Variants in MAGI1 observed in about 807,000 individuals in gnomAD.
MAGI1 encodes membrane associated guanylate kinase, WW and PDZ domain containing 1.
Under a neutral mutation model 139.9 loss-of-function variants are expected in MAGI1, and 58 were observed. That is an observed-to-expected ratio of 0.41 (90% CI 0.34 to 0.52). MAGI1 has a LOEUF of 0.52. Among genes scored for constraint, MAGI1 ranks in the 20% least tolerant of loss-of-function variants. The pLI is 0.12. For synonymous variants in MAGI1, 812 were observed against 737.9 expected, an observed-to-expected ratio of 1.10 and a Z score of -1.63; for missense variants, 1,874 against 1,901.6, an observed-to-expected ratio of 0.99 and a Z score of 0.27.
At chr3:65,930,208 C>T (rs1285079092) in intron 1 of MAGI1, among the ~76,000 whole-genome samples, 1 of 148,474 alleles carries the variant, frequency 6.7e-6, no homozygotes, top group Non-Finnish European at 1.5e-5. Flanking sequence ...CCCGGCTACT[C>T]AGGGGGCTGA....
intron 3 of MAGI1, among the ~76,000 whole-genome samples, chr3:65,487,392 C>T (rs1164477300): frequency 6.6e-6 from 1 of 152,138 alleles, no homozygotes; most frequent in East Asian, 1.9e-4. Flanking sequence ...AATGAATGAA[C>T]TCACAAACTA....
At chr3:65,745,960 C>T (rs570129596) in intron 1 of MAGI1, among the ~76,000 whole-genome samples, 1 of 152,222 alleles carries the variant, frequency 6.6e-6, no homozygotes, top group East Asian at 1.9e-4. Flanking sequence ...GAACTCCTGG[C>T]CTAAAGTGAT....
intron 1 of MAGI1, among the ~76,000 whole-genome samples, chr3:65,971,770 C>T (rs2065023106): frequency 1.3e-5 from 2 of 152,176 alleles, no homozygotes; most frequent in Non-Finnish European, 2.9e-5. Flanking sequence ...TGACACACTT[C>T]CCTGGACTTT....
intron 17 of MAGI1, 61 bp from the exon 18 acceptor site, chr3:65,376,006 GA>G: frequency 1.6e-6 from 2 of 1,281,474 alleles, no homozygotes; most frequent in South Asian, 1.3e-5. Flanking sequence ...AAAGGGAAGA[GA>G]AAAAGGGTTG....
At chr3:65,466,368 G>A (rs1174715482) in intron 5 of MAGI1, among the ~76,000 whole-genome samples, 1 of 151,990 alleles carries the variant, frequency 6.6e-6, no homozygotes, top group African/African-American at 2.4e-5. Context: ...ACCTTCTATG[G>A]GCTTTTCCTA....
chr3:65,646,273 T>G (rs1288598228), intron 1 of MAGI1, among the ~76,000 whole-genome samples: 1 of 151,684 alleles, frequency 6.6e-6, no homozygotes, highest in African/African-American at 2.4e-5. Flanking sequence ...AATGTGGGCT[T>G]TACAGCAAAG....
intron 1 of MAGI1, among the ~76,000 whole-genome samples, chr3:65,794,420 G>A (rs1347071446): frequency 5.3e-5 from 8 of 152,260 alleles, no homozygotes; most frequent in Admixed American, 5.2e-4. Context: ...TCTTTATCCA[G>A]TGACTAAGAC....
At chr3:65,414,594 G>A (rs1320654681) in intron 12 of MAGI1, among the ~76,000 whole-genome samples, 4 of 152,166 alleles carry the variant, frequency 2.6e-5, no homozygotes, top group Admixed American at 2.6e-4. Context: ...TTTCCCTAGA[G>A]CAGTGATTCC....
chr3:65,861,829 C>T (rs1473795023), intron 1 of MAGI1, among the ~76,000 whole-genome samples: 1 of 152,186 alleles, frequency 6.6e-6, no homozygotes, highest in Non-Finnish European at 1.5e-5. Context: ...TCTTGAAAAA[C>T]CAACACAGAG....
intron 2 of MAGI1, among the ~76,000 whole-genome samples, chr3:65,587,194 T>G (rs935909856): frequency 2.6e-5 from 4 of 152,344 alleles, no homozygotes; most frequent in African/African-American, 9.6e-5. Flanking sequence ...TTTGGAGTTA[T>G]GTCCCAATAA....
intron 4 of MAGI1, among the ~76,000 whole-genome samples, chr3:65,477,882 AC>A (rs892970665): frequency 2.0e-5 from 3 of 151,572 alleles, no homozygotes; most frequent in African/African-American, 7.3e-5. Flanking sequence ...GTATGGCCTT[AC>A]CCAAAGGCCT....
chr3:65,567,802 C>T (rs369026688), intron 2 of MAGI1, among the ~76,000 whole-genome samples: 1 of 152,274 alleles, frequency 6.6e-6, no homozygotes, highest in Non-Finnish European at 1.5e-5. Flanking sequence ...TGCCACTGCA[C>T]TCCAGCCTGG....
intron 1 of MAGI1, among the ~76,000 whole-genome samples, chr3:65,931,019 T>C (rs2062782405): frequency 6.6e-6 from 1 of 151,614 alleles, no homozygotes; most frequent in African/African-American, 2.4e-5. Flanking sequence ...GTAGCTATTC[T>C]TTTACTCCAT....
chr3:65,688,570 G>A (rs535519185), intron 1 of MAGI1: 16 of 339,134 alleles, frequency 4.7e-5, no homozygotes, highest in African/African-American at 8.5e-5. Flanking sequence ...AGACATTTCC[G>A]TGGGGTAGGG....
At chr3:65,773,966 A>G (rs2038169394) in intron 1 of MAGI1, among the ~76,000 whole-genome samples, 1 of 151,286 alleles carries the variant, frequency 6.6e-6, no homozygotes, top group Admixed American at 6.6e-5. Context: ...AGGAAACTTC[A>G]CAGGAAGAGA....
intron 1 of MAGI1, among the ~76,000 whole-genome samples, chr3:66,035,250 C>A (rs905623460): frequency 1.8e-4 from 28 of 152,142 alleles, no homozygotes; most frequent in Admixed American, 1.8e-3. Flanking sequence ...AGTTTTGGTC[C>A]ATGTATCTTT....
chr3:66,012,765 CAAAA>C (rs34971326), intron 1 of MAGI1, among the ~76,000 whole-genome samples: 1 of 113,996 alleles, frequency 8.8e-6, no homozygotes. Context: ...GACTCCATCT[CAAAA>C]AAAAAAAAAA....
At chr3:65,549,532 G>C (rs2079712266) in intron 2 of MAGI1, 1 of 964,340 alleles carries the variant, frequency 1.0e-6, no homozygotes, top group Non-Finnish European at 1.2e-6. Flanking sequence ...TCCTTTTATG[G>C]GGCTCGCAGG....
intron 1 of MAGI1, among the ~76,000 whole-genome samples, chr3:66,029,664 A>T (rs188862527): frequency 1.3e-4 from 20 of 152,088 alleles, no homozygotes; most frequent in African/African-American, 1.7e-4. Context: ...GGCCTTCTTG[A>T]CTCACTGGTC....
Sources: allele counts gnomAD v4.1 joint callset (sites outside exome capture counted in the v4.1 genomes callset), GRCh38; gene constraint gnomAD v4.1.1; transcripts MANE v1.5; gene names NCBI Gene and HGNC (gene_info 2026-07-23, HGNC 2026-07-21).